Variants in PCDHGA5 observed in about 807,000 individuals in gnomAD.
PCDHGA5 encodes protocadherin gamma subfamily A, 5, also known as protocadherin gamma-A5.
A neutral mutation model predicts 56.7 loss-of-function variants in PCDHGA5; 36 were observed. That is an observed-to-expected ratio of 0.64 (90% CI 0.49 to 0.84). The LOEUF (loss-of-function observed/expected upper bound fraction) is 0.84, where lower values mean the gene tolerates loss of function less well. Among genes scored for constraint, PCDHGA5 ranks in the 40% least tolerant of loss-of-function variants. The pLI, the probability that PCDHGA5 is intolerant of heterozygous loss-of-function variation, is 0.00. For missense variants in PCDHGA5, 1,305 were observed against 1,201.5 expected (o/e 1.09, Z -1.27); for synonymous variants, 563 against 520.2 (o/e 1.08, Z -1.12).
At chr5:141,438,629 TATATATACAC>T (rs1412065186) in intron 1 of PCDHGA5, among the ~76,000 whole-genome samples, 590 of 47,950 alleles carry the variant, frequency 0.012, no homozygotes, top group African/African-American at 0.039. Flanking sequence ...TATATATATA[TATATATACAC>T]ACACACACAC....
intron 2 of PCDHGA5, among the ~76,000 whole-genome samples, chr5:141,495,902 C>T (rs749735668): frequency 2.6e-5 from 4 of 152,120 alleles, no homozygotes; most frequent in Non-Finnish European, 2.9e-5. Context: ...TTGTCTCTGT[C>T]TCTGTATATC....
Position 141,477,443 on chromosome 5 carries a change from G to C in PCDHGA5, c.2422-17364G>C. The C allele has an allele frequency of 6.2e-7, 1 of 1,614,136 alleles. No individual in the cohort carries two copies. Among genetic ancestry groups the C allele is most frequent in the Non-Finnish European group, 8.5e-7 (1 of 1,180,024 alleles). ...CCCTTCCCTCTCAGCCCTTACAATA[G>C]TGCGTGTTCAAGTGTCCGACATCAA... On this transcript the variant is annotated intron_variant, in intron 1 of 3. Coordinates refer to ENST00000518069, the MANE Select transcript of PCDHGA5 (RefSeq NM_018918.3). This position sits in a 1 kb window ranked among gnomAD's most constrained non-coding sequence, Gnocchi z 4.9.
At position 141,383,787 on chromosome 5, in the gene PCDHGA5, G is replaced by A. The variant is rs773505278; in HGVS notation, c.2421+17036G>A. 12 of 1,613,832 alleles carry A rather than the reference G, an allele frequency of 7.4e-6. No homozygotes were observed. In the South Asian group the frequency reaches 7.7e-5, roughly 10 times the overall value. On this transcript the variant is annotated intron_variant, in intron 1 of 3. Transcript: ENST00000518069. ...TTCCAAAGATGTTTCATCTGAACTC[G>A]CTTACAGGAGAAATATCAACTTTAG...
intron 1 of PCDHGA5, chr5:141,370,178 C>G (rs1214381916): frequency 2.2e-5 from 10 of 463,756 alleles, no homozygotes; most frequent in Non-Finnish European, 2.6e-5. Context: ...CGCCGGGTGC[C>G]GCTCTTGGCT....
chr5:141,462,183 C>A (rs1439465872), intron 1 of PCDHGA5, among the ~76,000 whole-genome samples: 1 of 152,158 alleles, frequency 6.6e-6, no homozygotes. Flanking sequence ...TGGTCTTGAA[C>A]TCCTGACCTC....
intron 1 of PCDHGA5, among the ~76,000 whole-genome samples, chr5:141,449,081 C>T (rs2098627623): frequency 6.6e-6 from 1 of 152,180 alleles, no homozygotes; most frequent in South Asian, 2.1e-4. Flanking sequence ...CCTGTACCTA[C>T]ATCAGTTTTT....
Position 141,477,865 on chromosome 5 carries a change from T to A in PCDHGA5, c.2422-16942T>A, listed in dbSNP as rs1380570615. On this transcript the variant is annotated intron_variant, in intron 1 of 3. Transcript: ENST00000518069. This position sits in a 1 kb window ranked among gnomAD's most constrained non-coding sequence, Gnocchi z 4.9. ...GCTCGGTGGAGATGCTGCCTCGAGG[T>A]ACCTCAGCTGGCCACCTAGTGTCAC... 6.2e-7 allele frequency: 1 copy of A among 1,612,698 alleles called. No individual in the cohort carries two copies. Among genetic ancestry groups the A allele is most frequent in the Non-Finnish European group, 8.5e-7 (1 of 1,179,562 alleles).
chr5:141,399,940 C>T lies in PCDHGA5; in HGVS notation c.2421+33189C>T, dbSNP rs374856105. On this transcript the variant is annotated intron_variant, in intron 1 of 3. Transcript: ENST00000518069. Reference sequence around the variant, plus strand: ...CAACGCCTGGCTGTCCTACCACGTGCTGCAGGCTAGCGAGCCCGGGCTCTT... The same window carrying T: ...CAACGCCTGGCTGTCCTACCACGTGTTGCAGGCTAGCGAGCCCGGGCTCTT... 4.8e-4 allele frequency: 772 copies of T among 1,612,360 alleles called. 1 individual carries two copies. In the African/African-American group the frequency reaches 9.6e-3, roughly 20 times the overall value.
In PCDHGA5 at chr5:141,364,680, A is replaced by G. The variant is rs751537197; in HGVS notation, c.350A>G (p.Tyr117Cys). ...TTGGTTGAGAACAAAATGAAAATTT[A>G]TGGAGTAGAAGTAGAAATAATCGAT... Reference protein sequence around the residue: ...NILVENKMKIYGVEVEIIDIN... With the variant: ...NILVENKMKICGVEVEIIDIN... The change falls in exon 1 of 4, where the codon TAT (tyrosine) becomes TGT (cysteine). Residue 117 changes from tyrosine to cysteine, a missense_variant. Physicochemically the swap from Tyr to Cys is radical, Grantham distance 194. Coordinates refer to ENST00000518069, the MANE Select transcript of PCDHGA5 (RefSeq NM_018918.3). 6.2e-7 allele frequency: 1 copy of G among 1,614,008 alleles called. No homozygotes were observed. The highest frequency in any genetic ancestry group is 8.5e-7 in the Non-Finnish European group (1 of 1,179,892).
chr5:141,402,895 A>G, intron 1 of PCDHGA5: 1 of 1,505,744 alleles, frequency 6.6e-7, no homozygotes, highest in South Asian at 1.4e-5. Context: ...GGAAGAAAGA[A>G]CCTGATGAAG....
intron 1 of PCDHGA5, among the ~76,000 whole-genome samples, chr5:141,436,749 C>T (rs2097844674): frequency 6.6e-6 from 1 of 152,154 alleles, no homozygotes; most frequent in Admixed American, 6.5e-5. Flanking sequence ...TGTGCTTCTC[C>T]ATATGGTATA....
intron 1 of PCDHGA5, chr5:141,372,856 A>T (rs1769134013): frequency 6.9e-7 from 1 of 1,445,570 alleles, no homozygotes; most frequent in Admixed American, 2.4e-5. Flanking sequence ...TTGGGTTTCA[A>T]TTCATTGATT....
intron 1 of PCDHGA5, among the ~76,000 whole-genome samples, chr5:141,407,444 C>G (rs578101282): frequency 6.7e-6 from 1 of 150,116 alleles, no homozygotes; most frequent in South Asian, 2.1e-4. Flanking sequence ...AAAACCAGAA[C>G]ACGAGGCTCA....
intron 1 of PCDHGA5, among the ~76,000 whole-genome samples, chr5:141,482,652 G>C (rs1276348234): frequency 6.6e-6 from 1 of 152,074 alleles, no homozygotes; most frequent in African/African-American, 2.4e-5. Flanking sequence ...GGTGATGCTT[G>C]AGCTATGATC....
chr5:141,477,265 G>A lies in PCDHGA5; in HGVS notation c.2422-17542G>A. The A allele has an allele frequency of 6.2e-7, 1 of 1,614,198 alleles. No individual in the cohort carries two copies. Among genetic ancestry groups the A allele is most frequent in the African/African-American group, 1.3e-5 (1 of 75,048 alleles). On this transcript the variant is annotated intron_variant, in intron 1 of 3. Transcript: ENST00000518069. The surrounding 1 kb of genome is among the most constrained non-coding windows in gnomAD (Gnocchi z 4.9). ...GTGTGACTGACCTGGATGCTGGCGA[G>A]AACGGGCTGGTGACCTGCGAAGTTC...
rs1281778338 is a variant in PCDHGA5, at chr5:141,512,281, G to A, written c.*1108G>A. ...TGGGTACTCCAGAGGTGCCACTGGTGGAAGGGTCAGCGGAGCCCCAGCAGG... is the reference window on the plus strand; with the variant it reads ...TGGGTACTCCAGAGGTGCCACTGGTAGAAGGGTCAGCGGAGCCCCAGCAGG... On this transcript the variant is annotated 3_prime_UTR_variant, in exon 4 of 4. Transcript: ENST00000518069. 6.5e-6 allele frequency: 1 copy of A among 152,810 alleles called. No homozygotes were observed. Among genetic ancestry groups the A allele is most frequent in the Non-Finnish European group, 1.5e-5 (1 of 68,178 alleles). The allele number at this position is 152,810 out of a possible 1,614,324, so 9.5% of individuals were successfully genotyped here.
intron 1 of PCDHGA5, chr5:141,383,974 GAC>G: frequency 6.2e-7 from 1 of 1,613,818 alleles, no homozygotes; most frequent in Non-Finnish European, 8.5e-7. Flanking sequence ...AATCCCTGAA[GAC>G]ACACCTCTTG....
intron 1 of PCDHGA5, chr5:141,371,363 T>C: frequency 3.7e-6 from 6 of 1,613,948 alleles, no homozygotes; most frequent in Non-Finnish European, 5.1e-6. Flanking sequence ...AAGCAAAGGA[T>C]GGTGGACATC....
At chr5:141,408,901 G>T (rs529239605) in intron 1 of PCDHGA5, 2 of 1,613,100 alleles carry the variant, frequency 1.2e-6, no homozygotes, top group African/African-American at 2.7e-5. Flanking sequence ...TTTCTGTCAA[G>T]GATACCAATG....
Sources: gnomAD v4.1 joint callset for allele counts (sites outside exome capture counted in the v4.1 genomes callset) on GRCh38, gnomAD v4.1.1 for gene constraint, Gnocchi (gnomAD v3.1) non-coding constraint, MANE v1.5 for transcripts, NCBI Gene and HGNC (gene_info 2026-07-23, HGNC 2026-07-21) for gene names.